PCDH11X: variants seen among roughly 807,000 people sequenced by gnomAD.
PCDH11X encodes protocadherin-11 X-linked.
PCDH11X carries 18 observed loss-of-function variants against 53.3 expected under a neutral mutation model. That is an observed-to-expected ratio of 0.34 (90% CI 0.23 to 0.50). PCDH11X has a LOEUF of 0.50. Among genes scored for constraint, PCDH11X ranks in the 20% least tolerant of loss-of-function variants. PCDH11X has a pLI of 0.98. For missense variants in PCDH11X, 570 were observed against 1,032.4 expected (o/e 0.55, Z 6.14); for synonymous variants, 279 against 393.3 (o/e 0.71, Z 3.44).
chrX:92,346,247 T>G, intron 8 of PCDH11X, among the ~76,000 whole-genome samples: 1 of 111,326 alleles, frequency 9.0e-6, no homozygotes, highest in East Asian at 2.8e-4. Flanking sequence ...TCATAGAATT[T>G]TTATCAGTCA....
intron 6 of PCDH11X, among the ~76,000 whole-genome samples, chrX:92,180,361 C>T (rs1255514626): frequency 9.0e-6 from 1 of 110,746 alleles, no homozygotes; most frequent in Admixed American, 9.7e-5. Context: ...CAAACCATAT[C>T]ACTCTCTTAA....
chrX:91,784,294 A>G (rs1334958205), intron 1 of PCDH11X, among the ~76,000 whole-genome samples: 1 of 112,357 alleles, frequency 8.9e-6, no homozygotes, highest in East Asian at 2.8e-4. Flanking sequence ...TATGTTAAGA[A>G]GATAATGTAA....
At chrX:92,408,953 A>T (rs1471715854) in intron 9 of PCDH11X, among the ~76,000 whole-genome samples, 1 of 104,181 alleles carries the variant, frequency 9.6e-6, no homozygotes, top group African/African-American at 3.7e-5. Flanking sequence ...CTTAACATTA[A>T]CATATTTTTA....
At chrX:92,226,419 C>A (rs905700298) in intron 7 of PCDH11X, among the ~76,000 whole-genome samples, 1 of 111,243 alleles carries the variant, frequency 9.0e-6, no homozygotes, top group African/African-American at 3.3e-5. Context: ...TATTTTCCTT[C>A]CTTTTAGGTA....
rs770205896 is a variant in PCDH11X, at chrX:92,250,353, A to G, written c.3115-12761A>G. 2.1e-4 allele frequency among the ~76,000 whole-genome samples: 23 copies of G among 110,637 alleles called. No individual in the cohort carries two copies. The East Asian group carries it at 5.4e-3, about 26-fold the overall frequency. ...CTCATACATCATTGGAGGGAATATGAAATAGTACAGTTGCTTTGGAAAACA... is the reference window on the plus strand; with the variant it reads ...CTCATACATCATTGGAGGGAATATGGAATAGTACAGTTGCTTTGGAAAACA... On this transcript the variant is annotated intron_variant, in intron 7 of 10. Transcript: ENST00000682573.
chrX:92,088,443 C>A (rs1051481202), intron 6 of PCDH11X, among the ~76,000 whole-genome samples: 13 of 110,518 alleles, frequency 1.2e-4, no homozygotes, highest in Non-Finnish European at 2.5e-4. Flanking sequence ...AGGAACTCAT[C>A]TATATGTCTG....
intron 7 of PCDH11X, among the ~76,000 whole-genome samples, chrX:92,255,529 G>A (rs1302886494): frequency 9.2e-6 from 1 of 108,525 alleles, no homozygotes; most frequent in Non-Finnish European, 1.9e-5. Flanking sequence ...GATTTTTAGA[G>A]TTTCCAGTTT....
At chrX:92,211,051 T>C (rs1472744756) in intron 7 of PCDH11X, among the ~76,000 whole-genome samples, 2 of 111,891 alleles carry the variant, frequency 1.8e-5, no homozygotes, top group African/African-American at 6.5e-5. Context: ...TTCAGATAAC[T>C]GTATAGCAAT....
At chrX:92,348,644 C>A (rs923349534) in intron 8 of PCDH11X, among the ~76,000 whole-genome samples, 36 of 108,951 alleles carry the variant, frequency 3.3e-4, no homozygotes, top group Admixed American at 3.0e-3. Context: ...TCAAGCAATT[C>A]TCCTGCCTCA....
intron 10 of PCDH11X, among the ~76,000 whole-genome samples, chrX:92,581,192 T>C (rs1442464812): frequency 1.8e-5 from 2 of 112,067 alleles, no homozygotes; most frequent in African/African-American, 3.2e-5. Flanking sequence ...CCTACTTGGA[T>C]ACTTATACAT....
At chrX:92,568,803 C>G (rs1921839265) in intron 10 of PCDH11X, among the ~76,000 whole-genome samples, 2 of 110,549 alleles carry the variant, frequency 1.8e-5, no homozygotes, top group Non-Finnish European at 3.8e-5. Flanking sequence ...TCAAAGAAAC[C>G]CAGCCAGTTA....
chrX:91,818,974 G>A (rs900541890), intron 4 of PCDH11X, among the ~76,000 whole-genome samples: 28 of 111,968 alleles, frequency 2.5e-4, no homozygotes, highest in Non-Finnish European at 4.7e-4. Flanking sequence ...GTTGGCTAGT[G>A]TTTGTTAGTC....
rs748291007 is a variant in PCDH11X at position 92,246,351 on chromosome X, T to G, written c.3115-16763T>G. Among the ~76,000 whole-genome samples, 4 of 111,263 alleles carry G rather than the reference T, an allele frequency of 3.6e-5. No homozygotes were observed. In the South Asian group the frequency reaches 1.5e-3, roughly 42 times the overall value. On this transcript the variant is annotated intron_variant, in intron 7 of 10. Transcript: ENST00000682573. ...GGTGAAAAGATTTTTTTTTTACTTTTTTGTTGTTGTTGTTGTTTTGAGACA... is the reference window on the plus strand; with the variant it reads ...GGTGAAAAGATTTTTTTTTTACTTTGTTGTTGTTGTTGTTGTTTTGAGACA...
At chrX:92,567,572 A>G (rs1246127772) in intron 10 of PCDH11X, among the ~76,000 whole-genome samples, 1 of 105,989 alleles carries the variant, frequency 9.4e-6, no homozygotes, top group Non-Finnish European at 1.9e-5. Context: ...TCATCTGCAA[A>G]CAAAAACAAT....
intron 6 of PCDH11X, among the ~76,000 whole-genome samples, chrX:91,972,688 C>T (rs1233115173): frequency 1.9e-5 from 2 of 106,336 alleles, no homozygotes; most frequent in Non-Finnish European, 3.9e-5. Flanking sequence ...TTTCCCAGCA[C>T]CATTTATTAA....
rs186942802 is a variant in PCDH11X, at chrX:92,391,432, T to C, written c.3343+3499T>C. 9.7e-3 allele frequency among the ~76,000 whole-genome samples: 1,063 copies of C among 109,312 alleles called. 12 individuals are homozygous for C. Among genetic ancestry groups the C allele is most frequent in the African/African-American group, 0.03 (903 of 30,270 alleles). 94.9% of individuals were successfully genotyped at this position (109,312 alleles called of 115,157 possible). A position where few individuals can be genotyped will look rare whatever the true frequency, so the allele number is the denominator to read the frequency against. On this transcript the variant is annotated intron_variant, in intron 9 of 10. Transcript: ENST00000682573. ...CCAGGTATAGTGTTAACTCAAAGAT[T>C]TGAGGACAGTGAGATCCTCTTGGGA...
At chrX:92,311,235 T>C (rs1438676786) in intron 8 of PCDH11X, among the ~76,000 whole-genome samples, 3 of 110,017 alleles carry the variant, frequency 2.7e-5, no homozygotes, top group Non-Finnish European at 5.7e-5. Context: ...TGTTTTCTGC[T>C]TTCAAGTCAG....
intron 7 of PCDH11X, among the ~76,000 whole-genome samples, chrX:92,241,445 G>C (rs1487959249): frequency 8.9e-6 from 1 of 111,919 alleles, no homozygotes; most frequent in Admixed American, 9.5e-5. Flanking sequence ...TCACATGAAA[G>C]GTATGCTGCA....
rs1163527647 is a variant in PCDH11X at position 92,531,746 on chromosome X, C to T, written c.3367+63424C>T. Among the ~76,000 whole-genome samples the T allele has an allele frequency of 4.6e-5, 5 of 109,550 alleles. No individual in the cohort carries two copies. The Admixed American group carries it at 4.9e-4, about 11-fold the overall frequency. On this transcript the variant is annotated intron_variant, in intron 10 of 10. Coordinates refer to ENST00000682573, the MANE Select transcript of PCDH11X (RefSeq NM_032968.5). ...ATTTAGTGAGAGCCTTATATTGTCA[C>T]AGAAATAAAGTCAATTATATTTCAG...
Sources: gnomAD v4.1 joint callset for allele counts (sites outside exome capture counted in the v4.1 genomes callset) on GRCh38, gnomAD v4.1.1 for gene constraint, MANE v1.5 for transcripts, NCBI Gene and HGNC (gene_info 2026-07-23, HGNC 2026-07-21) for gene names.